The following CMTR1 variants were observed in gnomAD, a reference collection of about 807,000 sequenced individuals.
CMTR1 encodes the protein cap-specific mRNA (nucleoside-2'-O-)-methyltransferase 1.
Under a neutral mutation model 107.0 loss-of-function variants are expected in CMTR1, and 39 were observed. The observed-to-expected ratio is 0.36, with a 90% CI of 0.28 to 0.48. The LOEUF (loss-of-function observed/expected upper bound fraction) is 0.48, where lower values mean the gene tolerates loss of function less well. Ranked by LOEUF, CMTR1 falls within the 20% of genes least tolerant of loss-of-function variation. The pLI, the probability that CMTR1 is intolerant of heterozygous loss-of-function variation, is 0.99. For synonymous variants in CMTR1, 366 were observed against 379.5 expected (o/e 0.96, Z 0.41); for missense variants, 672 against 1,064.9 (o/e 0.63, Z 5.14).
At chr6:37,449,611 A>G (rs1484927231) in intron 4 of CMTR1, among the ~76,000 whole-genome samples, 2 of 152,200 alleles carry the variant, frequency 1.3e-5, no homozygotes, top group East Asian at 3.8e-4. Flanking sequence ...ACCCAGCTGC[A>G]TCAGTACTCT....
chr6:37,478,623 C>A, intron 22 of CMTR1, 102 bp downstream of exon 22: 1 of 894,756 alleles, frequency 1.1e-6, no homozygotes, highest in Non-Finnish European at 1.8e-6. Flanking sequence ...GGGCTCCCAG[C>A]TAAGGTGGGT....
At chr6:37,436,295 T>C (rs893324233) in intron 2 of CMTR1, 10 of 152,342 alleles carry the variant, frequency 6.6e-5, no homozygotes, top group African/African-American at 2.4e-4. Flanking sequence ...CATTTTGCTT[T>C]GCCTGTCTTT....
intron 12 of CMTR1, 51 bp downstream of exon 12, chr6:37,462,153 C>T (rs114379651): frequency 4.9e-5 from 78 of 1,604,310 alleles, no homozygotes; most frequent in Non-Finnish European, 6.5e-5. Flanking sequence ...AATGTCAGAA[C>T]AGCAAATCAT....
chr6:37,463,126 G>C, intron 13 of CMTR1, 118 bp downstream of exon 13: 1 of 1,068,628 alleles, frequency 9.4e-7, no homozygotes, highest in Non-Finnish European at 1.4e-6. Context: ...ATTGGCAACT[G>C]GGTTTGGTCT....
rs191720033 is a variant in CMTR1, at chr6:37,481,092, C to G, written c.*947C>G. ...GCTTGAAGTGCAGCTCCCTTACTAC[C>G]CTTTCCCTTCCTTTTTCTTCCCTAA... On this transcript the variant is annotated 3_prime_UTR_variant, in exon 24 of 24. Transcript: ENST00000373451. 1.0e-3 allele frequency: 1,341 copies of G among 1,304,250 alleles called. 12 individuals carry two copies. In the African/African-American group the frequency reaches 0.014, roughly 14 times the overall value. 80.8% of individuals were successfully genotyped at this position (1,304,250 alleles called of 1,614,324 possible).
rs376226800 is a variant in CMTR1, at chr6:37,472,465, C to T, written c.1667C>T (p.Ser556Leu). 7 of 1,614,120 alleles carry T rather than the reference C, an allele frequency of 4.3e-6. No homozygotes were observed. Among genetic ancestry groups the T allele is most frequent in the Non-Finnish European group, 5.9e-6 (7 of 1,179,990 alleles). ...GCTCCTTCTTCCTCCGACCCTAAAT[C>T]GAAGTTCTTTGAGCTAATCCAGGTA... is the stretch of plus-strand genomic sequence containing the variant. The part of the protein sequence containing the change: ...RVAPSSSDPK[S>L]KFFELIQGTE... Residue 556 changes from serine (S) to leucine (L), a missense_variant, in exon 16 of 24, where the codon TCG (serine) becomes TTG (leucine). This residue lies in a region of CMTR1 where 583 missense variants were observed against 968.4 expected (regional missense o/e 0.60). Coordinates refer to ENST00000373451, the MANE Select transcript of CMTR1 (RefSeq NM_015050.3). The surrounding 1 kb of genome is among the most constrained non-coding windows in gnomAD (Gnocchi z 4.1).
At chr6:37,451,717 T>C (rs942440193) in intron 5 of CMTR1, 89 bp from the exon 6 acceptor site, 4 of 927,014 alleles carry the variant, frequency 4.3e-6, no homozygotes, top group Non-Finnish European at 7.0e-6. Context: ...CCCTTCTTGC[T>C]CTACTTACTT....
Position 37,459,645 on chromosome 6 carries a change from C to CAGGATA in CMTR1, c.1057_1058insGGATAA (p.Asn352_Thr353insArgIle). ...CTTTTCGGAATTTTGTCCTGGATAA[C>CAGGATA]ACAGATCGCAAGGGTGTCCATTTTC... On this transcript the variant is annotated inframe_insertion, in exon 10 of 24. Coordinates refer to ENST00000373451, the MANE Select transcript of CMTR1 (RefSeq NM_015050.3). The CAGGATA allele has an allele frequency of 6.2e-7, 1 of 1,614,168 alleles. No homozygotes were observed. The highest frequency in any genetic ancestry group is 8.5e-7 in the Non-Finnish European group (1 of 1,180,018).
At chr6:37,479,018 C>T (rs565805996) in intron 22 of CMTR1, 129 bp from the exon 23 acceptor site, 22 of 639,666 alleles carry the variant, frequency 3.4e-5, no homozygotes, top group African/African-American at 1.8e-4. Flanking sequence ...TGCTGCCTCA[C>T]GGGCTATTCC....
intron 4 of CMTR1, among the ~76,000 whole-genome samples, chr6:37,447,583 G>A (rs1053579067): frequency 2.6e-5 from 4 of 152,152 alleles, no homozygotes; most frequent in Non-Finnish European, 2.9e-5. Context: ...CCTATAGGCC[G>A]GGCATGGTGG....
intron 21 of CMTR1, 68 bp downstream of exon 21, chr6:37,477,707 TC>T (rs200676883): frequency 0.019 from 11,069 of 582,488 alleles, 172 homozygotes; most frequent in East Asian, 0.052. Flanking sequence ...CCTGTAGTCA[TC>T]CTCCGTTTCA....
At position 37,443,026 on chromosome 6, in the gene CMTR1, AAGAT is replaced by A. The variant is rs748344201; in HGVS notation, c.134-970_134-967del. 7.9e-5 allele frequency among the ~76,000 whole-genome samples: 12 copies of A among 152,328 alleles called. No homozygotes were observed. The Middle Eastern group carries it at 0.01, about 130-fold the overall frequency. Reference sequence around the variant, plus strand: ...TGGTTCATAAGTCAAAAAATATAAAAAGATAGCCAGTGTAAACTTTCGTGGTATA... The same window carrying A: ...TGGTTCATAAGTCAAAAAATATAAAAAGCCAGTGTAAACTTTCGTGGTATA... On this transcript the variant is annotated intron_variant, in intron 2 of 23. Coordinates refer to ENST00000373451, the MANE Select transcript of CMTR1 (RefSeq NM_015050.3).
chr6:37,443,143 G>A (rs564041160), intron 2 of CMTR1, among the ~76,000 whole-genome samples: 4 of 152,158 alleles, frequency 2.6e-5, no homozygotes, highest in Non-Finnish European at 5.9e-5. Flanking sequence ...CCCTGAATGT[G>A]TGAATAATCA....
At chr6:37,479,965 GC>G (rs757365246) in intron 23 of CMTR1, 47 bp from the exon 24 acceptor site, 1 of 1,468,494 alleles carries the variant, frequency 6.8e-7, no homozygotes. Flanking sequence ...ATGACCCTGT[GC>G]CATCTGGGTG....
intron 21 of CMTR1, among the ~76,000 whole-genome samples, chr6:37,477,917 G>A (rs1340942226): frequency 6.6e-6 from 1 of 152,238 alleles, no homozygotes; most frequent in African/African-American, 2.4e-5. Context: ...TGGGCCCTGC[G>A]AGGGGCAGAG....
chr6:37,430,931 G>A (rs574575957), upstream of CMTR1, among the ~76,000 whole-genome samples: 297 of 150,480 alleles, frequency 2.0e-3, 1 homozygote, highest in Non-Finnish European at 2.9e-3. Context: ...GGAGAATGGC[G>A]TGAACCTGGA....
intron 19 of CMTR1, 118 bp from the exon 20 acceptor site, chr6:37,476,008 G>T (rs1761728836): frequency 4.2e-6 from 4 of 951,304 alleles, no homozygotes; most frequent in Middle Eastern, 4.4e-4. Flanking sequence ...GCCTCTTAGA[G>T]CAGTCTTGCC....
At position 37,461,626 on chromosome 6, in the gene CMTR1, G is replaced by A. The variant is rs1761404502; in HGVS notation, c.1173G>A (p.Ala391=). 2.5e-6 allele frequency: 4 copies of A among 1,609,384 alleles called. No individual in the cohort carries two copies. The highest frequency in any genetic ancestry group is 3.4e-6 in the Non-Finnish European group (4 of 1,177,074). ...TGCTTCTGTGTCAGTTCCTCATGGC[G>A]CTGTCCATTGTCCGGACAGGTGACA... ...KQLLLCQFLM[A]LSIVRTGGHF... is the part of the protein sequence containing the mutation. The change falls in exon 11 of 24, where the codon GCG becomes GCA. Residue 391 remains alanine (A), a synonymous_variant. Transcript: ENST00000373451.
At chr6:37,465,821 TTTG>T (rs1761496391) in intron 13 of CMTR1, among the ~76,000 whole-genome samples, 2 of 67,656 alleles carry the variant, frequency 3.0e-5, no homozygotes, top group African/African-American at 1.7e-4. Context: ...TAATTGTTTT[TTTG>T]TTTGTTTGTT....
Sources: allele counts gnomAD v4.1 joint callset (sites outside exome capture counted in the v4.1 genomes callset), GRCh38; gene constraint gnomAD v4.1.1; regional missense constraint gnomAD v4.1.1; non-coding constraint Gnocchi (gnomAD v3.1); transcripts MANE v1.5; gene names NCBI Gene and HGNC (gene_info 2026-07-23, HGNC 2026-07-21).